The following PPP4R4 variants were observed in gnomAD, a reference collection of about 807,000 sequenced individuals.
PPP4R4 encodes the protein protein phosphatase 4 regulatory subunit 4, also known as serine/threonine-protein phosphatase 4 regulatory subunit 4.
In PPP4R4, 70 loss-of-function variants were observed where a neutral mutation model predicts 121.8. The ratio of observed to expected loss-of-function variants is 0.57; its 90% CI spans 0.47 to 0.70. The LOEUF (loss-of-function observed/expected upper bound fraction) is 0.70, where lower values mean the gene tolerates loss of function less well. PPP4R4 is among the 30% of genes least tolerant of loss of function. The pLI, the probability that PPP4R4 is intolerant of heterozygous loss-of-function variation, is 0.00. For missense variants in PPP4R4, 875 were observed against 1,033.6 expected (o/e 0.85, Z 2.10); for synonymous variants, 348 against 355.7 (o/e 0.98, Z 0.24).
chr14:94,220,257 G>A (rs1475123589), intron 3 of PPP4R4, among the ~76,000 whole-genome samples: 5 of 152,062 alleles, frequency 3.3e-5, no homozygotes, highest in Admixed American at 2.0e-4. Context: ...TCACAACTCA[G>A]TAAACTAGAA....
chr14:94,247,400 G>T (rs1431247802), intron 14 of PPP4R4, among the ~76,000 whole-genome samples: 1 of 152,192 alleles, frequency 6.6e-6, no homozygotes, highest in Non-Finnish European at 1.5e-5. Context: ...CTACCTGGTT[G>T]TATACCAGTT....
At chr14:94,249,613 T>C (rs1407055560) in intron 14 of PPP4R4, among the ~76,000 whole-genome samples, 1 of 152,046 alleles carries the variant, frequency 6.6e-6, no homozygotes, top group African/African-American at 2.4e-5. Flanking sequence ...TTCTGCCTAG[T>C]GGTGTGACAG....
chr14:94,217,806 C>A (rs150269737), intron 3 of PPP4R4, among the ~76,000 whole-genome samples: 2 of 151,980 alleles, frequency 1.3e-5, no homozygotes, highest in African/African-American at 4.8e-5. Context: ...ACCAGTCTGA[C>A]CAACATGGAG....
chr14:94,268,872 G>C (rs771555525), intron 23 of PPP4R4, among the ~76,000 whole-genome samples: 8 of 152,122 alleles, frequency 5.3e-5, no homozygotes, highest in Non-Finnish European at 1.2e-4. Flanking sequence ...TACAGTTCAA[G>C]GTGAGATTTG....
chr14:94,176,747 T>G (rs769340371), intron 2 of PPP4R4, among the ~76,000 whole-genome samples: 13 of 152,348 alleles, frequency 8.5e-5, no homozygotes, highest in Non-Finnish European at 1.8e-4. Flanking sequence ...TCTTGTAGAT[T>G]GAGCATCTTA....
At chr14:94,200,570 T>A (rs1331064071) in intron 2 of PPP4R4, among the ~76,000 whole-genome samples, 1 of 152,240 alleles carries the variant, frequency 6.6e-6, no homozygotes, top group Non-Finnish European at 1.5e-5. Flanking sequence ...AGGAGGGTTG[T>A]ATACTTCCAA....
At position 94,269,418 on chromosome 14, in the gene PPP4R4, G is replaced by A. The variant is rs374435367; in HGVS notation, c.2449+2389G>A. On this transcript the variant is annotated intron_variant, in intron 23 of 24. Transcript: ENST00000304338. ...AGGCCGGGCGCTGTGGCTCACGCCT[G>A]CAATCCCAGCACCTTGGGAGGCTGA... is the stretch of plus-strand genomic sequence containing the variant. Among the ~76,000 whole-genome samples the A allele has an allele frequency of 1.0e-3, 156 of 152,178 alleles. 1 individual carries two copies. Among genetic ancestry groups the A allele is most frequent in the African/African-American group, 3.6e-3 (149 of 41,502 alleles).
intron 23 of PPP4R4, among the ~76,000 whole-genome samples, chr14:94,270,890 C>A (rs1894286065): frequency 1.3e-5 from 2 of 150,610 alleles, no homozygotes; most frequent in African/African-American, 2.5e-5. Flanking sequence ...TGCACTTCAG[C>A]CTGGGAGACA....
Position 94,233,639 on chromosome 14 carries a change from A to C in PPP4R4, c.517-14A>C, listed in dbSNP as rs1013837573. ...AAAATTTTGTGAATTTTTTTCTCTAAATTTTCTCTTTAGATTTTGAATCCA... is the reference window on the plus strand; with the variant it reads ...AAAATTTTGTGAATTTTTTTCTCTACATTTTCTCTTTAGATTTTGAATCCA... On this transcript the variant is annotated splice_polypyrimidine_tract_variant and intron_variant, in intron 5 of 24. Coordinates refer to ENST00000304338, the MANE Select transcript of PPP4R4 (RefSeq NM_058237.2). 7.2e-6 allele frequency: 11 copies of C among 1,523,840 alleles called. No homozygotes were observed. In the African/African-American group the frequency reaches 1.5e-4, roughly 21 times the overall value. The allele number at this position is 1,523,840 out of a possible 1,614,324, so 94.4% of individuals were successfully genotyped here. A position where few individuals can be genotyped will look rare whatever the true frequency, so the allele number is the denominator to read the frequency against.
chr14:94,274,969 T>C (rs895676761), intron 23 of PPP4R4, among the ~76,000 whole-genome samples: 4 of 152,166 alleles, frequency 2.6e-5, no homozygotes, highest in Non-Finnish European at 5.9e-5. Context: ...AGGAAGGAAG[T>C]ATTGATACAT....
intron 24 of PPP4R4, among the ~76,000 whole-genome samples, chr14:94,278,036 C>G (rs960932449): frequency 1.3e-5 from 2 of 152,112 alleles, no homozygotes; most frequent in African/African-American, 4.8e-5. Flanking sequence ...CCACATTGGT[C>G]TTTCTTCTGT....
intron 8 of PPP4R4, among the ~76,000 whole-genome samples, chr14:94,239,300 TA>T (rs1267607519): frequency 1.3e-5 from 2 of 150,964 alleles, no homozygotes; most frequent in Non-Finnish European, 3.0e-5. Context: ...CTGCACCCAT[TA>T]ACTCGTCATT....
chr14:94,244,146 A>T (rs577693749), intron 11 of PPP4R4, among the ~76,000 whole-genome samples: 4 of 152,240 alleles, frequency 2.6e-5, no homozygotes, highest in Non-Finnish European at 5.9e-5. Flanking sequence ...AACTCCTCTC[A>T]TGCTGGTTAA....
At chr14:94,233,608 A>G (rs761813076) in intron 5 of PPP4R4, 45 bp from the exon 6 acceptor site, 2 of 1,212,528 alleles carry the variant, frequency 1.6e-6, no homozygotes, top group Admixed American at 3.9e-5. Flanking sequence ...AGTGGCATGA[A>G]TGTATAAAAT....
Position 94,208,465 on chromosome 14 carries a change from G to C in PPP4R4, c.193G>C (p.Ala65Pro). 2 of 1,600,754 alleles carry C rather than the reference G, an allele frequency of 1.2e-6. No homozygotes were observed. Among genetic ancestry groups the C allele is most frequent in the Non-Finnish European group, 1.7e-6 (2 of 1,169,602 alleles). Residue 65 changes from alanine (A) to proline (P), a missense_variant and splice_region_variant, in exon 3 of 25, where the codon GCT becomes CCT. Ala to Pro is a conservative substitution (Grantham distance 27). Coordinates refer to ENST00000304338, the MANE Select transcript of PPP4R4 (RefSeq NM_058237.2). ...TTAAATTTGTGTTTTCTTTGTAAGT[G>C]CTGGTCAAGATGTCCAAGGAACAAG... is the stretch of plus-strand genomic sequence containing the variant. ...DIERAVYLLS[A>P]GQDVQGTSVI...
chr14:94,266,856 G>C (rs918814822), intron 22 of PPP4R4, 103 bp from the exon 23 acceptor site: 1 of 742,376 alleles, frequency 1.3e-6, no homozygotes, highest in African/African-American at 1.8e-5. Flanking sequence ...TTCATAAGTA[G>C]AGGAAAGCAT....
chr14:94,198,878 C>T (rs946514396), intron 2 of PPP4R4, among the ~76,000 whole-genome samples: 1 of 152,202 alleles, frequency 6.6e-6, no homozygotes, highest in African/African-American at 2.4e-5. Context: ...TTCCATTGAT[C>T]ATATGCCAGT....
chr14:94,231,210 T>C lies in PPP4R4; in HGVS notation c.443-32T>C, dbSNP rs764005394. ...TGAAACTGAATTTGAAGTGAGACGT[T>C]TAATTTAGTATGTTTTATCTCTGTC... On this transcript the variant is annotated intron_variant, in intron 4 of 24. Transcript: ENST00000304338. 8 of 1,550,210 alleles carry C rather than the reference T, an allele frequency of 5.2e-6. No individual in the cohort carries two copies. The South Asian group carries it at 9.1e-5, about 18-fold the overall frequency.
chr14:94,241,702 A>G, intron 9 of PPP4R4, 86 bp from the exon 10 acceptor site: 3 of 1,050,102 alleles, frequency 2.9e-6, no homozygotes, highest in Non-Finnish European at 4.1e-6. Context: ...TTTGGCTCCA[A>G]TTATATTTTT....
Sources: gnomAD v4.1 joint callset for allele counts (sites outside exome capture counted in the v4.1 genomes callset) on GRCh38, gnomAD v4.1.1 for gene constraint, MANE v1.5 for transcripts, NCBI Gene and HGNC (gene_info 2026-07-23, HGNC 2026-07-21) for gene names.